TNXB: variants seen among roughly 807,000 people sequenced by gnomAD.
TNXB encodes the protein tenascin-X.
A neutral mutation model predicts 340.5 loss-of-function variants in TNXB; 183 were observed. The observed-to-expected ratio is 0.54, with a 90% CI of 0.48 to 0.61. The LOEUF is 0.61. Among genes scored for constraint, TNXB ranks in the 20% least tolerant of loss-of-function variants. TNXB has a pLI of 0.00. For missense variants in TNXB, 4,613 were observed against 5,446.4 expected (o/e 0.85, Z 4.82); for synonymous variants, 2,121 against 2,314.5 (o/e 0.92, Z 2.40).
At chr6:32,056,306 G>T (rs951752509) in intron 23 of TNXB, 132 bp from the exon 24 acceptor site, 1 of 1,250,550 alleles carries the variant, frequency 8.0e-7, no homozygotes, top group East Asian at 2.5e-5. Flanking sequence ...TCTTGGGGCT[G>T]GGTGGTCCTG....
intron 1 of TNXB, among the ~76,000 whole-genome samples, chr6:32,105,623 G>A (rs1780940587): frequency 6.6e-6 from 1 of 152,208 alleles, no homozygotes; most frequent in Non-Finnish European, 1.5e-5. Flanking sequence ...CAGGACCAAG[G>A]TCAGGGCTAG....
rs1025836074 is a variant in TNXB, at chr6:32,100,726, C to CA, written c.-8-2521dup. On this transcript the variant is annotated intron_variant, in intron 1 of 43. Transcript: ENST00000644971. ...GGGCAACAGAGCTGATACTCTGTTT[C>CA]AAAAAAAAGAAAAAGAAAAAAACAA... 9.4e-5 allele frequency among the ~76,000 whole-genome samples: 14 copies of CA among 149,398 alleles called. No homozygotes were observed. In the East Asian group the frequency reaches 2.0e-3, roughly 21 times the overall value.
At position 32,048,786 on chromosome 6, in the gene TNXB, T is replaced by G; in HGVS notation, c.9758-136A>C. The G allele has an allele frequency of 5.5e-6, 5 of 910,200 alleles. 1 individual carries two copies. The highest frequency in any genetic ancestry group is 5.9e-6 in the Non-Finnish European group (4 of 675,742). 56.4% of individuals were successfully genotyped at this position (910,200 alleles called of 1,614,324 possible). ...TTGTTTTAGAATCTGTGCCCTGCATTGCTGTAAGCAGCTCACAAACAGTGG... is the reference window on the plus strand; with the variant it reads ...TTGTTTTAGAATCTGTGCCCTGCATGGCTGTAAGCAGCTCACAAACAGTGG... On this transcript the variant is annotated intron_variant, in intron 28 of 43. Transcript: ENST00000644971.
At position 32,062,419 on chromosome 6, in the gene TNXB, G is replaced by A; in HGVS notation, c.6906C>T (p.Ile2302=). 6.2e-7 allele frequency: 1 copy of A among 1,613,096 alleles called. No homozygotes were observed. Among genetic ancestry groups the A allele is most frequent in the Non-Finnish European group, 8.5e-7 (1 of 1,179,844 alleles). Residue 2302 remains isoleucine, a synonymous_variant, in exon 20 of 44, where the codon ATC becomes ATT. Coordinates refer to ENST00000644971, the MANE Select transcript of TNXB (RefSeq NM_001365276.2). The surrounding 1 kb of genome is among the most constrained non-coding windows in gnomAD (Gnocchi z 4.3). The part of the protein sequence containing the change: ...STEPPTPEPP[I]KPRLEELTVT... ...CGGTCAGCTCCTCCAGGCGAGGCTT[G>A]ATGGGGGGTTCAGGGGTGGGAGGTT...
rs201123945 is a variant in TNXB, at chr6:32,089,348, C to T, written c.2390G>A (p.Arg797Gln). 2.6e-4 allele frequency: 411 copies of T among 1,608,114 alleles called. No homozygotes were observed. Among genetic ancestry groups the T allele is most frequent in the Admixed American group, 8.5e-4 (51 of 59,866 alleles). The change falls in exon 5 of 44, where the codon CGG becomes CAG. Residue 797 changes from arginine to glutamine, a missense_variant. Physicochemically the swap from Arg to Gln is conservative, Grantham distance 43. Transcript: ENST00000644971. The surrounding 1 kb of genome is among the most constrained non-coding windows in gnomAD (Gnocchi z 6.2). ...ATAGGCTGAGGCAGAGCTTGGAACC[C>T]GTGCTGTGAATGGGGGGCTCGCCCC... is the stretch of plus-strand genomic sequence containing the variant. ...TEGASPPFTA[R>Q]VPSSASAYDQ...
Position 32,070,440 on chromosome 6 carries a change from A to AT in TNXB, c.4991-27dup, listed in dbSNP as rs1471111980. On this transcript the variant is annotated intron_variant, in intron 13 of 43. Transcript: ENST00000644971. The surrounding 1 kb of genome is among the most constrained non-coding windows in gnomAD (Gnocchi z 6.0). Reference sequence around the variant, plus strand: ...CTGGAGAGGAAAGGTTCTTGTGTTTATTTTTTCCAAAACGACTCCTTGACT... The same window carrying AT: ...CTGGAGAGGAAAGGTTCTTGTGTTTATTTTTTTCCAAAACGACTCCTTGACT... The AT allele has an allele frequency of 6.5e-7, 1 of 1,542,858 alleles. No homozygotes were observed. The highest frequency in any genetic ancestry group is 1.2e-5 in the South Asian group (1 of 81,800).
rs149492184 is a variant in TNXB, at chr6:32,052,940, G to T, written c.8845C>A (p.Pro2949Thr). The T allele has an allele frequency of 0.011, 18,384 of 1,612,740 alleles. 313 individuals are homozygous for T. Among genetic ancestry groups the T allele is most frequent in the Admixed American group, 0.036 (2,176 of 60,018 alleles). Residue 2949 changes from proline to threonine, a missense_variant, in exon 26 of 44, where the codon CCC (proline) becomes ACC (threonine). Physicochemically the swap from Pro to Thr is conservative, Grantham distance 38. Around this residue, in one of 7 missense-constraint regions of TNXB, gnomAD observed 4,327 missense variants for 4,859.4 expected, o/e 0.89. Transcript: ENST00000644971. The surrounding 1 kb of genome is among the most constrained non-coding windows in gnomAD (Gnocchi z 4.7). Reference protein sequence around the residue: ...PTEPSTEAPEPPEEPLLGELT... With the variant: ...PTEPSTEAPETPEEPLLGELT... ...TCCCCCAGGAGCGGCTCCTCAGGGGGCTCCGGGGCCTCCGTGCTGGGTTCT... is the reference window on the plus strand; with the variant it reads ...TCCCCCAGGAGCGGCTCCTCAGGGGTCTCCGGGGCCTCCGTGCTGGGTTCT...
intron 3 of TNXB, 163 bp downstream of exon 3, chr6:32,095,448 C>T (rs1780276403): frequency 1.5e-5 from 13 of 879,908 alleles, no homozygotes; most frequent in East Asian, 2.7e-5. Context: ...CCAGTCCTGC[C>T]CACTGGAAAG....
rs1333031886 is a variant in TNXB, at chr6:32,080,672, C to T, written c.4042+696G>A. On this transcript the variant is annotated intron_variant, in intron 10 of 43. Transcript: ENST00000644971. The surrounding 1 kb of genome is among the most constrained non-coding windows in gnomAD (Gnocchi z 4.3). ...AAGTTGCAAGGCTGGTAGTGAGACT[C>T]GGGCAGTTGGCTCCGGAGTCTTTGC... 1.3e-5 allele frequency among the ~76,000 whole-genome samples: 2 copies of T among 152,188 alleles called. No homozygotes were observed. Among genetic ancestry groups the T allele is most frequent in the Admixed American group, 6.5e-5 (1 of 15,276 alleles).
rs1368599014 is a variant in TNXB, at chr6:32,083,245, C to T, written c.3446-919G>A. ...CCCTGCAAGTCACTCCGCAAGCTAC[C>T]CTGTGGGCTCTTCTTCCTCTGCCTC... On this transcript the variant is annotated intron_variant, in intron 8 of 43. Coordinates refer to ENST00000644971, the MANE Select transcript of TNXB (RefSeq NM_001365276.2). The surrounding 1 kb of genome is among the most constrained non-coding windows in gnomAD (Gnocchi z 4.6). Among the ~76,000 whole-genome samples, 1 of 152,250 alleles carries T rather than the reference C, an allele frequency of 6.6e-6. No individual in the cohort carries two copies. Among genetic ancestry groups the T allele is most frequent in the African/African-American group, 2.4e-5 (1 of 41,528 alleles).
chr6:32,103,840 T>C (rs1294025204), intron 1 of TNXB, among the ~76,000 whole-genome samples: 1 of 151,320 alleles, frequency 6.6e-6, no homozygotes, highest in Non-Finnish European at 1.5e-5. Flanking sequence ...CAAGTGATTC[T>C]CCTGCCTCAG....
chr6:32,050,505 G>A (rs1277246927), intron 26 of TNXB, among the ~76,000 whole-genome samples, 184 bp from the exon 27 acceptor site: 21 of 86,774 alleles, frequency 2.4e-4, no homozygotes, highest in African/African-American at 4.2e-4. Flanking sequence ...CCCTGCCCTC[G>A]GCCCCCACCT....
At position 32,098,055 on chromosome 6, in the gene TNXB, C is replaced by T. The variant is rs541266148; in HGVS notation, c.144G>A (p.Val48=). Residue 48 remains valine (V), a synonymous_variant, in exon 2 of 44, where the codon GTG becomes GTA. Coordinates refer to ENST00000644971, the MANE Select transcript of TNXB (RefSeq NM_001365276.2). ...RPPPQPGGHT[V]GAGVGSPSSQ... is the part of the protein sequence containing the mutation. Reference sequence around the variant, plus strand: ...AAGAGGGGCTTCCCACTCCAGCCCCCACTGTGTGGCCCCCTGGCTGGGGAG... The same window carrying T: ...AAGAGGGGCTTCCCACTCCAGCCCCTACTGTGTGGCCCCCTGGCTGGGGAG... The T allele has an allele frequency of 6.2e-7, 1 of 1,606,904 alleles. No individual in the cohort carries two copies. Among genetic ancestry groups the T allele is most frequent in the Non-Finnish European group, 8.5e-7 (1 of 1,177,952 alleles).
In TNXB at chr6:32,068,122, G is replaced by T; in HGVS notation, c.6221-138C>A. ...TGGGGCTGGGTGGTCCTGCTCAGCTGACAGCTAACACACATGACAAGTTCC... is the reference window on the plus strand; with the variant it reads ...TGGGGCTGGGTGGTCCTGCTCAGCTTACAGCTAACACACATGACAAGTTCC... On this transcript the variant is annotated intron_variant, in intron 17 of 43. Coordinates refer to ENST00000644971, the MANE Select transcript of TNXB (RefSeq NM_001365276.2). This position sits in a 1 kb window ranked among gnomAD's most constrained non-coding sequence, Gnocchi z 5.3. 7.7e-7 allele frequency: 1 copy of T among 1,301,564 alleles called. No individual in the cohort carries two copies. The highest frequency in any genetic ancestry group is 1.0e-6 in the Non-Finnish European group (1 of 966,288). The allele number at this position is 1,301,564 out of a possible 1,614,324, so 80.6% of individuals were successfully genotyped here. A position where few individuals can be genotyped will look rare whatever the true frequency, so the allele number is the denominator to read the frequency against.
In TNXB at chr6:32,043,031, C is replaced by T. The variant is rs1242154182; in HGVS notation, c.11845G>A (p.Ala3949Thr). The T allele has an allele frequency of 5.0e-5, 12 of 237,642 alleles. No homozygotes were observed. The highest frequency in any genetic ancestry group is 1.7e-4 in the Admixed American group (2 of 11,776). 14.7% of individuals were successfully genotyped at this position (237,642 alleles called of 1,614,324 possible). Residue 3949 changes from alanine (A) to threonine (T), a missense_variant, in exon 38 of 44, where the codon GCC becomes ACC. By Grantham distance (58) the Ala-to-Thr change is moderately conservative. Coordinates refer to ENST00000644971, the MANE Select transcript of TNXB (RefSeq NM_001365276.2). ...GGGGGCTCAGTCCAAGTGAGCAGGGCGGTGCGGGGGGTCACTTCCTTGGCC... is the reference window on the plus strand; with the variant it reads ...GGGGGCTCAGTCCAAGTGAGCAGGGTGGTGCGGGGGGTCACTTCCTTGGCC... Reference protein sequence around the residue: ...LEAKEVTPRTALLTWTEPPVR... With the variant: ...LEAKEVTPRTTLLTWTEPPVR...
In TNXB at chr6:32,081,459, G is replaced by A. The variant is rs758814230; in HGVS notation, c.3951C>T (p.Pro1317=). 1.6e-5 allele frequency: 26 copies of A among 1,592,552 alleles called. No homozygotes were observed. The highest frequency in any genetic ancestry group is 2.7e-5 in the African/African-American group (2 of 74,520). ...VAGDENEVTV[P]GLDPDRKYKM... ...TATACTTCCGGTCGGGATCCAGGCC[G>A]GGGACAGTAACCTCATTCTCATCCC... The change falls in exon 10 of 44, where the codon CCC becomes CCT. Residue 1317 remains proline, a synonymous_variant. Transcript: ENST00000644971. The surrounding 1 kb of genome is among the most constrained non-coding windows in gnomAD (Gnocchi z 5.1).
Position 32,056,168 on chromosome 6 carries a change from T to A in TNXB, c.8150A>T (p.Glu2717Val), listed in dbSNP as rs1472039036. The change falls in exon 24 of 44, where the codon GAG (glutamate) becomes GTG (valine). Residue 2717 changes from glutamate (E) to valine (V), a missense_variant. Around this residue, in one of 7 missense-constraint regions of TNXB, gnomAD observed 4,327 missense variants for 4,859.4 expected, o/e 0.89. Transcript: ENST00000644971. ...TTCCGTGGGGCTGGGGGTCTCTTCC[T>A]CTGCAGCTGAGAAAAGGAGATATAG... ...PISVIGVTAAEEETPSPTELS... is the reference protein window; with the variant it reads ...PISVIGVTAAVEETPSPTELS... The A allele has an allele frequency of 1.9e-6, 3 of 1,610,650 alleles. No individual in the cohort carries two copies. Among genetic ancestry groups the A allele is most frequent in the Middle Eastern group, 1.6e-4 (1 of 6,076 alleles).
rs1225270143 is a variant in TNXB at position 32,082,201 on chromosome 6, C to G, written c.3571G>C (p.Val1191Leu). 1 of 1,612,418 alleles carries G rather than the reference C, an allele frequency of 6.2e-7. No homozygotes were observed. Among genetic ancestry groups the G allele is most frequent in the Non-Finnish European group, 8.5e-7 (1 of 1,179,570 alleles). ...VPEGQFDTFMVQYRDRDGRPQ... is the reference protein window; with the variant it reads ...VPEGQFDTFMLQYRDRDGRPQ... ...CGTCCATCCCTGTCCCTGTACTGGA[C>G]CATGAAGGTGTCAAACTGGCCCTCA... Residue 1191 changes from valine to leucine, a missense_variant, in exon 9 of 44, where the codon GTC (valine) becomes CTC (leucine). This residue lies in a region of TNXB where 4,327 missense variants were observed against 4,859.4 expected (regional missense o/e 0.89). Coordinates refer to ENST00000644971, the MANE Select transcript of TNXB (RefSeq NM_001365276.2). The surrounding 1 kb of genome is among the most constrained non-coding windows in gnomAD (Gnocchi z 5.0).
Position 32,082,166 on chromosome 6 carries a change from C to G in TNXB, c.3606G>C (p.Val1202=), listed in dbSNP as rs1779501144. The change falls in exon 9 of 44, where the codon GTG becomes GTC. Residue 1202 remains valine (V), a synonymous_variant. Transcript: ENST00000644971. The surrounding 1 kb of genome is among the most constrained non-coding windows in gnomAD (Gnocchi z 5.0). Reference sequence around the variant, plus strand: ...AACGCTCGGGCCCTTCCACAGGTACCACCTGGGGCCGTCCATCCCTGTCCC... The same window carrying G: ...AACGCTCGGGCCCTTCCACAGGTACGACCTGGGGCCGTCCATCCCTGTCCC... The part of the protein sequence containing the change: ...QYRDRDGRPQ[V]VPVEGPERSF... 1.9e-6 allele frequency: 3 copies of G among 1,612,512 alleles called. No homozygotes were observed. Among genetic ancestry groups the G allele is most frequent in the Non-Finnish European group, 1.7e-6 (2 of 1,179,632 alleles).
Sources: allele counts gnomAD v4.1 joint callset (sites outside exome capture counted in the v4.1 genomes callset), GRCh38; gene constraint gnomAD v4.1.1; regional missense constraint gnomAD v4.1.1; non-coding constraint Gnocchi (gnomAD v3.1); transcripts MANE v1.5; gene names NCBI Gene and HGNC (gene_info 2026-07-23, HGNC 2026-07-21).